Variants in DNAAF6 observed in about 807,000 individuals in gnomAD.
DNAAF6 encodes PIH1 domain containing 3.
A neutral mutation model predicts 13.7 loss-of-function variants in DNAAF6; 3 were observed. The ratio of observed to expected loss-of-function variants is 0.22; its 90% confidence interval spans 0.10 to 0.56. The LOEUF (loss-of-function observed/expected upper bound fraction) is 0.56. Ranked by LOEUF, DNAAF6 falls within the 20% of genes least tolerant of loss-of-function variation. The probability of loss-of-function intolerance (pLI) is 0.92; values close to 1 mark genes in which losing one functional copy is unlikely to be tolerated. For synonymous variants in DNAAF6, 54 were observed against 49.2 expected (o/e 1.10, Z -0.41); for missense variants, 130 against 151.0 (o/e 0.86, Z 0.73).
chrX:107,219,755 A>G (rs922848048), intron 4 of DNAAF6, among the ~76,000 whole-genome samples: 5 of 111,097 alleles, frequency 4.5e-5, no homozygotes, highest in Non-Finnish European at 7.5e-5. Flanking sequence ...TTCTATGGCA[A>G]GTGATCTGAC....
intron 5 of DNAAF6, among the ~76,000 whole-genome samples, chrX:107,229,415 C>T (rs890500645): frequency 1.8e-5 from 2 of 108,767 alleles, no homozygotes; most frequent in Non-Finnish European, 3.8e-5. Flanking sequence ...CATGAGCCAC[C>T]GCACCCGGCC....
In DNAAF6 at chrX:107,212,855, G is replaced by T; in HGVS notation, c.-3-18G>T. Reference sequence around the variant, plus strand: ...ACAGAAAAGTAAAATACCTCTTTCTGATTATCTTTTTCTTCAGATAATGGA... The same window carrying T: ...ACAGAAAAGTAAAATACCTCTTTCTTATTATCTTTTTCTTCAGATAATGGA... On this transcript the variant is annotated intron_variant, in intron 1 of 6. Coordinates refer to ENST00000372453, the MANE Select transcript of DNAAF6 (RefSeq NM_173494.2). 2 of 1,160,035 alleles carry T rather than the reference G, an allele frequency of 1.7e-6. No individual in the cohort carries two copies. Among genetic ancestry groups the T allele is most frequent in the South Asian group, 4.2e-5 (2 of 48,186 alleles).
At chrX:107,223,104 CTA>C (rs897961356) in intron 5 of DNAAF6, among the ~76,000 whole-genome samples, 1 of 111,548 alleles carries the variant, frequency 9.0e-6, no homozygotes, top group African/African-American at 3.3e-5. Context: ...ATTTTTATCC[CTA>C]TTAAAACTTC....
intron 4 of DNAAF6, among the ~76,000 whole-genome samples, chrX:107,220,042 G>T (rs1313152095): frequency 9.0e-6 from 1 of 110,623 alleles, no homozygotes; most frequent in East Asian, 2.8e-4. Context: ...CAGGCAATCC[G>T]CCCGCCTCAG....
chrX:107,215,981 T>C (rs981780354), intron 2 of DNAAF6, among the ~76,000 whole-genome samples: 2 of 111,572 alleles, frequency 1.8e-5, no homozygotes, highest in Non-Finnish European at 3.8e-5. Context: ...CTTGTATTGG[T>C]GAGTCAGGGC....
chrX:107,222,366 A>G (rs760143891), intron 4 of DNAAF6, among the ~76,000 whole-genome samples: 3 of 111,865 alleles, frequency 2.7e-5, no homozygotes, highest in African/African-American at 9.7e-5. Context: ...GGTTTCTATC[A>G]ATCCCTAGGT....
chrX:107,229,851 C>A (rs1928346927), intron 5 of DNAAF6, among the ~76,000 whole-genome samples: 1 of 110,326 alleles, frequency 9.1e-6, no homozygotes, highest in African/African-American at 3.3e-5. Flanking sequence ...CCACGCCCGG[C>A]TAATTTTTTG....
chrX:107,240,850 T>G (rs756752374), intron 6 of DNAAF6, among the ~76,000 whole-genome samples: 19 of 111,871 alleles, frequency 1.7e-4, no homozygotes, highest in African/African-American at 5.2e-4. Flanking sequence ...ATACCTTGAA[T>G]GTGATAATAA....
chrX:107,229,983 G>A (rs1928352042), intron 5 of DNAAF6, among the ~76,000 whole-genome samples: 2 of 111,362 alleles, frequency 1.8e-5, no homozygotes, highest in African/African-American at 3.3e-5. Context: ...CACCACCCCC[G>A]GCCTCATATA....
intron 5 of DNAAF6, among the ~76,000 whole-genome samples, chrX:107,228,222 G>A (rs1928298579): frequency 8.9e-6 from 1 of 112,006 alleles, no homozygotes. Context: ...AGAACTTTGA[G>A]ATTTGTCAGT....
Position 107,243,469 on chromosome X carries a change from TTAGG to T in DNAAF6, c.*172_*175del. The T allele has an allele frequency of 6.2e-6, 4 of 644,098 alleles. No individual in the cohort carries two copies. Among genetic ancestry groups the T allele is most frequent in the Non-Finnish European group, 8.6e-6 (4 of 462,844 alleles). 53.1% of individuals were successfully genotyped at this position (644,098 alleles called of 1,213,427 possible). ...ATTTACAGTAATTTCTATTACTCTG[TTAGG>T]AAATATGTTTCCTTGGCCAGGTGCA... On this transcript the variant is annotated 3_prime_UTR_variant, in exon 7 of 7. Transcript: ENST00000372453.
At chrX:107,242,336 G>A (rs1283490160) in intron 6 of DNAAF6, among the ~76,000 whole-genome samples, 4 of 112,093 alleles carry the variant, frequency 3.6e-5, no homozygotes, top group Non-Finnish European at 7.5e-5. Context: ...AACCCAATAA[G>A]TGCCCCTAAA....
At chrX:107,226,774 TA>T (rs1186614776) in intron 5 of DNAAF6, among the ~76,000 whole-genome samples, 1 of 111,508 alleles carries the variant, frequency 9.0e-6, no homozygotes, top group Non-Finnish European at 1.9e-5. Flanking sequence ...TCTATATTGA[TA>T]AGGCGACATT....
At chrX:107,238,779 G>A (rs1928570343) in intron 5 of DNAAF6, 143 bp from the exon 6 acceptor site, 2 of 999,066 alleles carry the variant, frequency 2.0e-6, no homozygotes, top group East Asian at 7.4e-5. Flanking sequence ...AATCTCTGCT[G>A]CTCAAGATTG....
chrX:107,243,364 A>G lies in DNAAF6; in HGVS notation c.*66A>G. On this transcript the variant is annotated 3_prime_UTR_variant, in exon 7 of 7. Coordinates refer to ENST00000372453, the MANE Select transcript of DNAAF6 (RefSeq NM_173494.2). ...TAACAATTAAAAAACTTTGAAAAAA[A>G]TGATTGTTTTCTATATTCTCTTTAT... 1 of 1,139,231 alleles carries G rather than the reference A, an allele frequency of 8.8e-7. No individual in the cohort carries two copies. Among genetic ancestry groups the G allele is most frequent in the South Asian group, 2.0e-5 (1 of 49,147 alleles). 93.9% of individuals were successfully genotyped at this position (1,139,231 alleles called of 1,213,427 possible).
intron 6 of DNAAF6, among the ~76,000 whole-genome samples, chrX:107,240,772 G>A (rs1928608834): frequency 9.0e-6 from 1 of 111,363 alleles, no homozygotes; most frequent in Non-Finnish European, 1.9e-5. Context: ...TAATTTACGG[G>A]GATCTCTTAA....
rs772042377 is a variant in DNAAF6 at position 107,233,109 on chromosome X, CA to C, written c.430-5811del. Among the ~76,000 whole-genome samples, 15 of 111,251 alleles carry C rather than the reference CA, an allele frequency of 1.3e-4. No homozygotes were observed. In the East Asian group the frequency reaches 3.4e-3, roughly 25 times the overall value. ...AGACAGGAGGTAATCTTAGAAATATCAATAAAGAACAAGTAACTATTCTTAG... is the reference window on the plus strand; with the variant it reads ...AGACAGGAGGTAATCTTAGAAATATCATAAAGAACAAGTAACTATTCTTAG... On this transcript the variant is annotated intron_variant, in intron 5 of 6. Transcript: ENST00000372453.
chrX:107,242,927 A>G (rs1298488650), intron 6 of DNAAF6, among the ~76,000 whole-genome samples: 2 of 111,556 alleles, frequency 1.8e-5, no homozygotes, highest in African/African-American at 6.5e-5. Context: ...GACTATGTAA[A>G]ATGAGGTCAA....
At chrX:107,217,875 G>A (rs931830785) in intron 3 of DNAAF6, among the ~76,000 whole-genome samples, 2 of 112,068 alleles carry the variant, frequency 1.8e-5, no homozygotes, top group African/African-American at 6.5e-5. Flanking sequence ...AGAGATATTC[G>A]CTCCATGGCA....
Sources: gnomAD v4.1 joint callset for allele counts (sites outside exome capture counted in the v4.1 genomes callset) on GRCh38, gnomAD v4.1.1 for gene constraint, MANE v1.5 for transcripts, NCBI Gene and HGNC (gene_info 2026-07-23, HGNC 2026-07-21) for gene names.